STXBP6: variants seen among roughly 807,000 people sequenced by gnomAD.
STXBP6 encodes syntaxin binding protein 6, also known as syntaxin-binding protein 6.
In STXBP6, 21 loss-of-function variants were observed where a neutral mutation model predicts 26.9. That is an observed-to-expected ratio of 0.78 (90% CI 0.55 to 1.12). STXBP6 has a LOEUF of 1.12. Ranked by LOEUF, STXBP6 falls within the 50% of genes most tolerant of loss-of-function variation. STXBP6 has a pLI of 0.00. For synonymous variants in STXBP6, 97 were observed against 92.6 expected (o/e 1.05, Z -0.27); for missense variants, 232 against 257.9 (o/e 0.90, Z 0.69).
chr14:24,969,111 T>G (rs2073825727), intron 2 of STXBP6, among the ~76,000 whole-genome samples: 1 of 152,230 alleles, frequency 6.6e-6, no homozygotes, highest in Admixed American at 6.5e-5. Context: ...GGTATCTATT[T>G]ACATAAATTA....
Position 25,049,918 on chromosome 14 carries a change from C to A in STXBP6, c.-73G>T, listed in dbSNP as rs1219347689. 1.0e-6 allele frequency: 1 copy of A among 977,448 alleles called. No individual in the cohort carries two copies. Among genetic ancestry groups the A allele is most frequent in the Non-Finnish European group, 1.2e-6 (1 of 822,922 alleles). The allele number at this position is 977,448 out of a possible 1,614,324, so 60.5% of individuals were successfully genotyped here. Reference sequence around the variant, plus strand: ...GCGCCCCTGCCGTGCCAGTGCGCGGCACGCGTCCCAGAGCACGAGGCTCCT... The same window carrying A: ...GCGCCCCTGCCGTGCCAGTGCGCGGAACGCGTCCCAGAGCACGAGGCTCCT... On this transcript the variant is annotated 5_prime_UTR_variant, in exon 1 of 6. Coordinates refer to ENST00000323944, the MANE Select transcript of STXBP6 (RefSeq NM_001394410.1). The surrounding 1 kb of genome is among the most constrained non-coding windows in gnomAD (Gnocchi z 5.6).
intron 1 of STXBP6, among the ~76,000 whole-genome samples, chr14:25,011,060 T>C (rs2140378263): frequency 6.6e-6 from 1 of 152,360 alleles, no homozygotes. Context: ...ATGGCAGATT[T>C]AATGTTGAGA....
At position 25,049,230 on chromosome 14, in the gene STXBP6, G is replaced by A. The variant is rs2075769018; in HGVS notation, c.-33+648C>T. The A allele has an allele frequency of 1.0e-6, 1 of 985,302 alleles. No individual in the cohort carries two copies. The highest frequency in any genetic ancestry group is 1.7e-5 in the African/African-American group (1 of 57,244). 61.0% of individuals were successfully genotyped at this position (985,302 alleles called of 1,614,324 possible). A position where few individuals can be genotyped will look rare whatever the true frequency, so the allele number is the denominator to read the frequency against. ...ACCTACTCCAGCCACGTTGCCCGGC[G>A]GTGTTGGTGAGGCTCGATGCCGGCG... On this transcript the variant is annotated intron_variant, in intron 1 of 5. Transcript: ENST00000323944. The surrounding 1 kb of genome is among the most constrained non-coding windows in gnomAD (Gnocchi z 5.6).
chr14:24,935,792 C>G (rs185162996), intron 2 of STXBP6, among the ~76,000 whole-genome samples: 15 of 152,230 alleles, frequency 9.9e-5, no homozygotes, highest in African/African-American at 3.1e-4. Context: ...CAACATGACT[C>G]CACCTAGAAA....
At chr14:24,959,462 A>T (rs2073455253) in intron 2 of STXBP6, among the ~76,000 whole-genome samples, 1 of 152,212 alleles carries the variant, frequency 6.6e-6, no homozygotes, top group South Asian at 2.1e-4. Context: ...TCAGAAAATC[A>T]GGTCCAATCT....
Position 24,812,373 on chromosome 14 carries a change from A to G in STXBP6, c.*336T>C. The G allele has an allele frequency of 4.7e-6, 1 of 213,446 alleles. No individual in the cohort carries two copies. The highest frequency in any genetic ancestry group is 9.4e-6 in the Non-Finnish European group (1 of 106,436). The allele number at this position is 213,446 out of a possible 1,614,324, so 13.2% of individuals were successfully genotyped here. A position where few individuals can be genotyped will look rare whatever the true frequency, so the allele number is the denominator to read the frequency against. On this transcript the variant is annotated 3_prime_UTR_variant, in exon 6 of 6. Coordinates refer to ENST00000323944, the MANE Select transcript of STXBP6 (RefSeq NM_001394410.1). ...CAGTTTAGACTCAGCGCAGTTTATC[A>G]TTTGGTCCAAATTTCATATTCAAAC...
intron 2 of STXBP6, among the ~76,000 whole-genome samples, chr14:24,895,893 G>A (rs182023450): frequency 2.6e-5 from 4 of 152,280 alleles, no homozygotes; most frequent in East Asian, 1.9e-4. Flanking sequence ...AGGAGTAAAC[G>A]AGATAGTTTA....
intron 2 of STXBP6, among the ~76,000 whole-genome samples, chr14:24,891,147 T>G (rs1295054496): frequency 6.6e-6 from 1 of 152,220 alleles, no homozygotes; most frequent in African/African-American, 2.4e-5. Context: ...CAGATAACTT[T>G]GGACAGTATG....
At chr14:24,923,708 G>A (rs1425971298) in intron 2 of STXBP6, among the ~76,000 whole-genome samples, 1 of 152,096 alleles carries the variant, frequency 6.6e-6, no homozygotes, top group Non-Finnish European at 1.5e-5. Flanking sequence ...TGTCTTTCAT[G>A]TTTACTGGTC....
At chr14:24,997,329 C>A (rs146584512) in intron 1 of STXBP6, among the ~76,000 whole-genome samples, 85 of 152,326 alleles carry the variant, frequency 5.6e-4, no homozygotes, top group Non-Finnish European at 1.1e-3. Context: ...CTCCCTCTGC[C>A]ATCTATTCAA....
chr14:24,874,565 T>C (rs1403750169), intron 2 of STXBP6, among the ~76,000 whole-genome samples: 1 of 152,080 alleles, frequency 6.6e-6, no homozygotes, highest in African/African-American at 2.4e-5. Context: ...AAACAAGCTT[T>C]GTTCACCAAA....
chr14:24,942,268 T>A (rs1250292416), intron 2 of STXBP6, among the ~76,000 whole-genome samples: 2 of 152,174 alleles, frequency 1.3e-5, no homozygotes. Context: ...ATCAAGGGAC[T>A]ACAAATGGTG....
At chr14:24,817,826 C>T (rs545190005) in intron 5 of STXBP6, 7 of 329,500 alleles carry the variant, frequency 2.1e-5, no homozygotes, top group Admixed American at 2.1e-4. Context: ...CTTGAAGGAA[C>T]TCGAAATGGG....
In STXBP6 at chr14:24,933,188, A is replaced by T. The variant is rs145890691; in HGVS notation, c.154+41477T>A. 1.5e-3 allele frequency among the ~76,000 whole-genome samples: 223 copies of T among 152,238 alleles called. 3 individuals carry two copies. Among genetic ancestry groups the T allele is most frequent in the African/African-American group, 5.2e-3 (217 of 41,530 alleles). On this transcript the variant is annotated intron_variant, in intron 2 of 5. Transcript: ENST00000323944. ...ACACCCTGTCCCTATAAAAAATACA[A>T]AAAATTAGCTGGGTGCAGTGGTGAC... is the stretch of plus-strand genomic sequence containing the variant.
At chr14:24,912,691 A>C (rs1228376159) in intron 2 of STXBP6, among the ~76,000 whole-genome samples, 1 of 152,180 alleles carries the variant, frequency 6.6e-6, no homozygotes, top group Non-Finnish European at 1.5e-5. Context: ...TGCTGCTCAA[A>C]GTGTGGCCCT....
intron 1 of STXBP6, among the ~76,000 whole-genome samples, chr14:25,025,255 A>T (rs2075329632): frequency 6.6e-6 from 1 of 152,190 alleles, no homozygotes; most frequent in Non-Finnish European, 1.5e-5. Context: ...GAAGCTGGAT[A>T]ATAAGTGCAC....
At chr14:24,957,040 T>C (rs2073366854) in intron 2 of STXBP6, among the ~76,000 whole-genome samples, 1 of 152,186 alleles carries the variant, frequency 6.6e-6, no homozygotes. Context: ...CAGCAATTAC[T>C]GAGGTCTCTG....
At position 25,022,588 on chromosome 14, in the gene STXBP6, G is replaced by A. The variant is rs1442319733; in HGVS notation, c.-33+27290C>T. Among the ~76,000 whole-genome samples the A allele has an allele frequency of 5.9e-5, 9 of 152,236 alleles. No individual in the cohort carries two copies. In the South Asian group the frequency reaches 8.3e-4, roughly 14 times the overall value. On this transcript the variant is annotated intron_variant, in intron 1 of 5. Transcript: ENST00000323944. ...GGTGCTGCTACCAAAAAAGAAAATCGATACTGGGCAGCCAAAAAACCATAA... is the reference window on the plus strand; with the variant it reads ...GGTGCTGCTACCAAAAAAGAAAATCAATACTGGGCAGCCAAAAAACCATAA...
intron 1 of STXBP6, among the ~76,000 whole-genome samples, chr14:25,039,194 T>C (rs184045153): frequency 2.3e-4 from 35 of 152,242 alleles, no homozygotes; most frequent in Non-Finnish European, 4.3e-4. Context: ...CAACATAAAA[T>C]ACAAAATACA....
Sources: allele counts gnomAD v4.1 joint callset (sites outside exome capture counted in the v4.1 genomes callset), GRCh38; gene constraint gnomAD v4.1.1; non-coding constraint Gnocchi (gnomAD v3.1); transcripts MANE v1.5; gene names NCBI Gene and HGNC (gene_info 2026-07-23, HGNC 2026-07-21).